GHR: variants seen among roughly 807,000 people sequenced by gnomAD.
GHR encodes the protein growth hormone receptor.
A neutral mutation model predicts 67.1 loss-of-function variants in GHR; 35 were observed. The observed-to-expected ratio is 0.52, with a 90% CI of 0.40 to 0.69. The LOEUF (loss-of-function observed/expected upper bound fraction) is 0.69, where lower values mean the gene tolerates loss of function less well. Ranked by LOEUF, GHR falls within the 30% of genes least tolerant of loss-of-function variation. GHR has a pLI of 0.00. For missense variants in GHR, 792 were observed against 764.6 expected, an observed-to-expected ratio of 1.04 and a Z score of -0.42; for synonymous variants, 272 against 269.1, an observed-to-expected ratio of 1.01 and a Z score of -0.10.
chr5:42,467,076 C>A, intron 1 of GHR: 1 of 1,584,566 alleles, frequency 6.3e-7, no homozygotes, highest in South Asian at 1.1e-5. Context: ...TATGGATTCT[C>A]TGATGAATAA....
At chr5:42,534,080 A>G (rs1054319897) in intron 1 of GHR, among the ~76,000 whole-genome samples, 1 of 149,930 alleles carries the variant, frequency 6.7e-6, no homozygotes, top group African/African-American at 2.4e-5. Context: ...GTATGTATAT[A>G]TGTATATATG....
Position 42,619,044 on chromosome 5 carries a change from T to C in GHR, c.71-9994T>C, listed in dbSNP as rs1314134516. The stretch of plus-strand genomic sequence containing the variant: ...ATCAAGTACCATGGAATAAAGTTAA[T>C]TAGTGAATTAAAGCCACATACCACA... On this transcript the variant is annotated intron_variant, in intron 2 of 9. Transcript: ENST00000230882. Among the ~76,000 whole-genome samples, 8 of 152,050 alleles carry C rather than the reference T, an allele frequency of 5.3e-5. No individual in the cohort carries two copies. The East Asian group carries it at 1.5e-3, about 29-fold the overall frequency.
Position 42,718,867 on chromosome 5 carries a change from A to G in GHR, c.1360A>G (p.Asn454Asp). ...GCCCAGTGTTATCCAAGCAGAGAAA[A>G]ACAAACCACAACCACTTCCTACTGA... The part of the protein sequence containing the change: ...QQPSVIQAEK[N>D]KPQPLPTEGA... Residue 454 changes from asparagine (N) to aspartate (D), a missense_variant, in exon 10 of 10, where the codon AAC (asparagine) becomes GAC (aspartate). Transcript: ENST00000230882. 2 of 1,614,126 alleles carry G rather than the reference A, an allele frequency of 1.2e-6. No individual in the cohort carries two copies. Among genetic ancestry groups the G allele is most frequent in the Non-Finnish European group, 1.7e-6 (2 of 1,180,018 alleles).
In GHR at chr5:42,688,958, A is replaced by G; in HGVS notation, c.205A>G (p.Thr69Ala). The change falls in exon 4 of 10, where the codon ACA (threonine) becomes GCA (alanine). Residue 69 changes from threonine to alanine, a missense_variant. Physicochemically the swap from Thr to Ala is moderately conservative, Grantham distance 58. Coordinates refer to ENST00000230882, the MANE Select transcript of GHR (RefSeq NM_000163.5). The part of the protein sequence containing the change: ...PERETFSCHW[T>A]DEVHHGTKNL... ...GCGAGAGACTTTTTCATGCCACTGG[A>G]CAGATGAGGTTCATCATGGTACAAA... The G allele has an allele frequency of 6.2e-7, 1 of 1,613,276 alleles. No homozygotes were observed.
intron 4 of GHR, among the ~76,000 whole-genome samples, chr5:42,689,642 AG>A (rs1757329122): frequency 6.6e-6 from 1 of 152,138 alleles, no homozygotes. Flanking sequence ...GGCATATTTG[AG>A]GGATGAAAAA....
intron 1 of GHR, chr5:42,467,507 G>C: frequency 8.8e-7 from 1 of 1,140,950 alleles, no homozygotes. Context: ...TGCCGAGCAA[G>C]TTGTGAGCTA....
chr5:42,486,730 C>G (rs1026808400), intron 1 of GHR, among the ~76,000 whole-genome samples: 7 of 151,852 alleles, frequency 4.6e-5, no homozygotes, highest in African/African-American at 1.7e-4. Flanking sequence ...ACCTGTAGTC[C>G]CAGCTACTCG....
rs1213605176 is a variant in GHR at position 42,629,255 on chromosome 5, G to T, written c.136+152G>T. ...ATAGGCAAGCAAAACATTTTTTAAG[G>T]ATTTATTTTTTAACTTCTGATATAG... On this transcript the variant is annotated intron_variant, in intron 3 of 9. Transcript: ENST00000230882. The T allele has an allele frequency of 1.2e-5, 7 of 607,084 alleles. 1 individual carries two copies. In the Admixed American group the frequency reaches 1.7e-4, roughly 15 times the overall value. The allele number at this position is 607,084 out of a possible 1,614,324, so 37.6% of individuals were successfully genotyped here.
At chr5:42,474,943 G>A (rs1745235428) in intron 1 of GHR, among the ~76,000 whole-genome samples, 2 of 142,658 alleles carry the variant, frequency 1.4e-5, no homozygotes, top group Non-Finnish European at 3.0e-5. Context: ...GAGTGCAATG[G>A]TGCTATCTTG....
In GHR at chr5:42,576,140, AAAT is replaced by A. The variant is rs199577668; in HGVS notation, c.70+10198_70+10200del. On this transcript the variant is annotated intron_variant, in intron 2 of 9. Coordinates refer to ENST00000230882, the MANE Select transcript of GHR (RefSeq NM_000163.5). ...AAATAAAATAAAATAAAATAAAATA[AAAT>A]AGTAAAGTAAAATAAAATAAAGGCA... Among the ~76,000 whole-genome samples the A allele has an allele frequency of 4.0e-3, 386 of 96,074 alleles. 4 individuals are homozygous for A. Among genetic ancestry groups the A allele is most frequent in the African/African-American group, 0.016 (358 of 23,028 alleles). 63.0% of individuals were successfully genotyped at this position (96,074 alleles called of 152,430 possible).
chr5:42,609,103 GA>G (rs973872161), intron 2 of GHR, among the ~76,000 whole-genome samples: 2 of 152,152 alleles, frequency 1.3e-5, no homozygotes, highest in Admixed American at 1.3e-4. Flanking sequence ...TAGAATTAAG[GA>G]AACCAACCAA....
At position 42,424,230 on chromosome 5, in the gene GHR, G is replaced by T. The variant is rs1369612705; in HGVS notation, c.-12+275G>T. Among the ~76,000 whole-genome samples the T allele has an allele frequency of 1.3e-5, 2 of 149,594 alleles. No individual in the cohort carries two copies. Among genetic ancestry groups the T allele is most frequent in the South Asian group, 2.1e-4 (1 of 4,708 alleles). On this transcript the variant is annotated intron_variant, in intron 1 of 9. Transcript: ENST00000230882. The surrounding 1 kb of genome is among the most constrained non-coding windows in gnomAD (Gnocchi z 4.1). ...TGTGTGTGTGTGTGTCTGGAAGTTGGTGAGGGCGGCAGGGAGTTGCGGGCG... is the reference window on the plus strand; with the variant it reads ...TGTGTGTGTGTGTGTCTGGAAGTTGTTGAGGGCGGCAGGGAGTTGCGGGCG...
chr5:42,639,846 C>T (rs949075927), intron 3 of GHR, among the ~76,000 whole-genome samples: 2 of 152,176 alleles, frequency 1.3e-5, no homozygotes, highest in South Asian at 2.1e-4. Flanking sequence ...GCTCCTCCAC[C>T]CTTGGTTTAG....
intron 6 of GHR, among the ~76,000 whole-genome samples, chr5:42,707,725 A>G (rs1758247196): frequency 6.6e-6 from 1 of 151,906 alleles, no homozygotes; most frequent in Admixed American, 6.6e-5. Context: ...ATAATAGGCT[A>G]TTTTAACCTG....
At position 42,718,413 on chromosome 5, in the gene GHR, G is replaced by A. The variant is rs534763363; in HGVS notation, c.946-40G>A. ...TTGCTAATTCATTTAATTATTATGA[G>A]TTTCTTTTCATAGATCTTCATTTTC... On this transcript the variant is annotated intron_variant, in intron 9 of 9. Coordinates refer to ENST00000230882, the MANE Select transcript of GHR (RefSeq NM_000163.5). 1.4e-6 allele frequency: 2 copies of A among 1,451,694 alleles called. 1 individual carries two copies. The highest frequency in any genetic ancestry group is 4.5e-5 in the East Asian group (2 of 44,148). 89.9% of individuals were successfully genotyped at this position (1,451,694 alleles called of 1,614,324 possible). A position where few individuals can be genotyped will look rare whatever the true frequency, so the allele number is the denominator to read the frequency against.
At chr5:42,647,703 G>T (rs896570700) in intron 3 of GHR, 3 of 443,954 alleles carry the variant, frequency 6.8e-6, no homozygotes, top group Non-Finnish European at 1.4e-5. Context: ...CAACTTGAAG[G>T]AAGCATGAAT....
chr5:42,586,608 G>T (rs1376639323), intron 2 of GHR, among the ~76,000 whole-genome samples: 3 of 152,200 alleles, frequency 2.0e-5, no homozygotes, highest in Non-Finnish European at 4.4e-5. Flanking sequence ...GCTCTTAGCT[G>T]CTCAATTTTG....
intron 3 of GHR, among the ~76,000 whole-genome samples, chr5:42,685,719 T>C (rs1757106056): frequency 6.6e-6 from 1 of 152,240 alleles, no homozygotes; most frequent in African/African-American, 2.4e-5. Flanking sequence ...TTTTCATGTG[T>C]CTGTTGGCTG....
intron 1 of GHR, among the ~76,000 whole-genome samples, chr5:42,444,208 G>A (rs1483515061): frequency 6.6e-6 from 1 of 152,078 alleles, no homozygotes; most frequent in African/African-American, 2.4e-5. Context: ...TCTTTAGGAT[G>A]GTGAGCATTT....
Sources: allele counts gnomAD v4.1 joint callset (sites outside exome capture counted in the v4.1 genomes callset), GRCh38; gene constraint gnomAD v4.1.1; non-coding constraint Gnocchi (gnomAD v3.1); transcripts MANE v1.5; gene names NCBI Gene and HGNC (gene_info 2026-07-23, HGNC 2026-07-21).